Variants in TDRP observed in about 807,000 individuals in gnomAD.
The protein encoded by TDRP is testis development related protein.
Under a neutral mutation model 10.5 loss-of-function variants are expected in TDRP, and 12 were observed. The observed-to-expected ratio is 1.15, with a 90% confidence interval of 0.73 to 1.86. The LOEUF (loss-of-function observed/expected upper bound fraction) is 1.86, where lower values mean the gene tolerates loss of function less well. Ranked by LOEUF, TDRP falls within the 40% of genes most tolerant of loss-of-function variation. The probability of loss-of-function intolerance (pLI) is 0.00; values close to 1 mark genes in which losing one functional copy is unlikely to be tolerated. For synonymous variants in TDRP, 139 were observed against 95.4 expected, an observed-to-expected ratio of 1.46 and a Z score of -2.67; for missense variants, 353 against 229.2, an observed-to-expected ratio of 1.54 and a Z score of -3.49.
intron 1 of TDRP, among the ~76,000 whole-genome samples, chr8:530,804 C>T (rs1563130523): frequency 6.6e-6 from 1 of 152,112 alleles, no homozygotes; most frequent in Non-Finnish European, 1.5e-5. Flanking sequence ...GGCAGTCCCC[C>T]TGAAAAGCCA....
chr8:538,646 A>C (rs147256584), intron 1 of TDRP, among the ~76,000 whole-genome samples: 1 of 152,210 alleles, frequency 6.6e-6, no homozygotes, highest in Non-Finnish European at 1.5e-5. Flanking sequence ...AAACTACCCA[A>C]CTGTATTTTC....
At chr8:532,706 C>G (rs1802239044) in intron 1 of TDRP, among the ~76,000 whole-genome samples, 1 of 152,192 alleles carries the variant, frequency 6.6e-6, no homozygotes, top group East Asian at 1.9e-4. Context: ...TAAATCACAA[C>G]AAATTCTGTA....
chr8:520,355 CCA>C (rs1801870033), intron 1 of TDRP, among the ~76,000 whole-genome samples: 1 of 152,184 alleles, frequency 6.6e-6, no homozygotes, highest in African/African-American at 2.4e-5. Flanking sequence ...ATTAATCCAT[CCA>C]CAGACATGGA....
In TDRP at chr8:494,567, C is replaced by A. The variant is rs770980792; in HGVS notation, c.139G>T (p.Glu47Ter). 1.9e-5 allele frequency: 30 copies of A among 1,613,836 alleles called. No homozygotes were observed. The highest frequency in any genetic ancestry group is 2.5e-5 in the Non-Finnish European group (30 of 1,179,890). ...VQGASFRGWK[E>*]VTSLFNKDDE... Reference sequence around the variant, plus strand: ...TCTTTGTTAAACAGTGAAGTCACTTCTTTCCAACCTCGGAAACTTGCTCCC... The same window carrying A: ...TCTTTGTTAAACAGTGAAGTCACTTATTTCCAACCTCGGAAACTTGCTCCC... Residue 47 changes from glutamate (E) to a stop codon, truncating the protein, a stop_gained, in exon 2 of 3, where the codon GAA (glutamate) becomes TAA (stop). Transcript: ENST00000324079. LOFTEE classifies it high-confidence loss of function.
In TDRP at chr8:498,448, T is replaced by G. The variant is rs180980627; in HGVS notation, c.109-3851A>C. Among the ~76,000 whole-genome samples, 3 of 152,322 alleles carry G rather than the reference T, an allele frequency of 2.0e-5. No homozygotes were observed. In the East Asian group the frequency reaches 5.8e-4, roughly 29 times the overall value. On this transcript the variant is annotated intron_variant, in intron 1 of 2. Coordinates refer to ENST00000324079, the MANE Select transcript of TDRP (RefSeq NM_001384899.1). ...GTTTTGGCCAATTTTTCCCTTTTGT[T>G]GTGGGTGCATTTACCCAACGCCTGC...
chr8:531,475 C>A (rs1479995443), intron 1 of TDRP, among the ~76,000 whole-genome samples: 1 of 152,084 alleles, frequency 6.6e-6, no homozygotes, highest in South Asian at 2.1e-4. Flanking sequence ...TGTGCTAATT[C>A]TGGGAAGGGA....
chr8:500,166 C>T (rs529327312), intron 1 of TDRP, among the ~76,000 whole-genome samples: 11 of 152,128 alleles, frequency 7.2e-5, no homozygotes, highest in South Asian at 2.1e-4. Flanking sequence ...CACAAAACAA[C>T]GAAAAATTAT....
At chr8:506,895 T>A (rs897131458) in intron 1 of TDRP, among the ~76,000 whole-genome samples, 1 of 152,196 alleles carries the variant, frequency 6.6e-6, no homozygotes, top group Admixed American at 6.5e-5. Flanking sequence ...CACTGGAGTC[T>A]GTGGTGAAGT....
Position 491,744 on chromosome 8 carries a change from T to A in TDRP, c.*655A>T. Reference sequence around the variant, plus strand: ...TTTAGAAGTTCAAAAGAGGTAAAAATAAAATTCCAAAAAAGAACCACTGTT... The same window carrying A: ...TTTAGAAGTTCAAAAGAGGTAAAAAAAAAATTCCAAAAAAGAACCACTGTT... On this transcript the variant is annotated 3_prime_UTR_variant, in exon 3 of 3. Transcript: ENST00000324079. The A allele has an allele frequency of 3.5e-6, 5 of 1,408,928 alleles. No individual in the cohort carries two copies. The highest frequency in any genetic ancestry group is 1.7e-5 in the South Asian group (1 of 59,240). The allele number at this position is 1,408,928 out of a possible 1,614,324, so 87.3% of individuals were successfully genotyped here. A position where few individuals can be genotyped will look rare whatever the true frequency, so the allele number is the denominator to read the frequency against.
intron 1 of TDRP, among the ~76,000 whole-genome samples, chr8:537,979 T>C (rs1802390152): frequency 6.6e-6 from 1 of 152,238 alleles, no homozygotes; most frequent in South Asian, 2.1e-4. Context: ...TCTCTTCCTA[T>C]ATTGTTAAGT....
At position 492,356 on chromosome 8, in the gene TDRP, T is replaced by G. The variant is rs1316363327; in HGVS notation, c.*43A>C. The G allele has an allele frequency of 6.9e-7, 1 of 1,452,942 alleles. No individual in the cohort carries two copies. Among genetic ancestry groups the G allele is most frequent in the East Asian group, 2.5e-5 (1 of 40,568 alleles). 90.0% of individuals were successfully genotyped at this position (1,452,942 alleles called of 1,614,324 possible). A position where few individuals can be genotyped will look rare whatever the true frequency, so the allele number is the denominator to read the frequency against. ...ACTCAACAACTACATGGTATACTCA[T>G]AAAAGGCCACCATGTCGGGGCACAC... On this transcript the variant is annotated 3_prime_UTR_variant, in exon 3 of 3. Transcript: ENST00000324079.
intron 1 of TDRP, among the ~76,000 whole-genome samples, chr8:533,025 G>A (rs1163552290): frequency 6.6e-6 from 1 of 152,104 alleles, no homozygotes; most frequent in African/African-American, 2.4e-5. Flanking sequence ...GAACTCATTT[G>A]CCCCAAAGTC....
At chr8:497,970 G>C (rs1801180520) in intron 1 of TDRP, among the ~76,000 whole-genome samples, 1 of 152,292 alleles carries the variant, frequency 6.6e-6, no homozygotes, top group Non-Finnish European at 1.5e-5. Context: ...GAAGGCAGGA[G>C]TTTGGGAGCC....
intron 1 of TDRP, among the ~76,000 whole-genome samples, chr8:538,434 G>A (rs979885138): frequency 6.6e-6 from 1 of 152,216 alleles, no homozygotes; most frequent in Non-Finnish European, 1.5e-5. Flanking sequence ...GTGCCCATGT[G>A]TCAGATGGTG....
At chr8:532,131 A>C (rs1392831090) in intron 1 of TDRP, among the ~76,000 whole-genome samples, 2 of 152,180 alleles carry the variant, frequency 1.3e-5, no homozygotes, top group Non-Finnish European at 2.9e-5. Flanking sequence ...CACTGCTCTC[A>C]TCCATAGGGT....
Position 491,325 on chromosome 8 carries a change from A to C in TDRP, c.*1074T>G, listed in dbSNP as rs1372441980. 4 of 329,706 alleles carry C rather than the reference A, an allele frequency of 1.2e-5. No individual in the cohort carries two copies. The highest frequency in any genetic ancestry group is 2.2e-5 in the Non-Finnish European group (4 of 183,186). The allele number at this position is 329,706 out of a possible 1,614,324, so 20.4% of individuals were successfully genotyped here. Reference sequence around the variant, plus strand: ...TTTTCTTTCAAACCACTTTTATCTAAGAGATATCTGCAGGACTTGCTGATA... The same window carrying C: ...TTTTCTTTCAAACCACTTTTATCTACGAGATATCTGCAGGACTTGCTGATA... On this transcript the variant is annotated 3_prime_UTR_variant, in exon 3 of 3. Transcript: ENST00000324079.
intron 1 of TDRP, among the ~76,000 whole-genome samples, chr8:504,686 G>A (rs778804037): frequency 1.3e-5 from 2 of 152,142 alleles, no homozygotes; most frequent in Non-Finnish European, 2.9e-5. Flanking sequence ...GAATCACCAG[G>A]TTACAATTTG....
At chr8:496,604 C>T (rs756248168) in intron 1 of TDRP, among the ~76,000 whole-genome samples, 2 of 152,196 alleles carry the variant, frequency 1.3e-5, no homozygotes, top group African/African-American at 2.4e-5. Context: ...ACACCACAAG[C>T]CTGTGCCTCA....
At chr8:531,771 A>C (rs1802205349) in intron 1 of TDRP, among the ~76,000 whole-genome samples, 1 of 152,250 alleles carries the variant, frequency 6.6e-6, no homozygotes, top group South Asian at 2.1e-4. Flanking sequence ...TTCAGTCCAC[A>C]AGCTTAGTAT....
Sources: allele counts gnomAD v4.1 joint callset (sites outside exome capture counted in the v4.1 genomes callset), GRCh38; gene constraint gnomAD v4.1.1; transcripts MANE v1.5; gene names NCBI Gene and HGNC (gene_info 2026-07-23, HGNC 2026-07-21).